YWHAZ: variants seen among roughly 807,000 people sequenced by gnomAD.
The protein encoded by YWHAZ is tyrosine 3-monooxygenase/tryptophan 5-monooxygenase activation protein zeta, also known as 14-3-3 protein zeta/delta.
For synonymous variants in YWHAZ, 87 were observed against 103.6 expected (o/e 0.84, Z 0.97); for missense variants, 79 against 284.8 (o/e 0.28, Z 5.20).
chr8:100,927,161 G>C (rs1469436678), intron 2 of YWHAZ, among the ~76,000 whole-genome samples: 1 of 152,206 alleles, frequency 6.6e-6, no homozygotes, highest in African/African-American at 2.4e-5. Context: ...GAAGCTGGAA[G>C]CACAATATTC....
chr8:100,941,884 T>C (rs1017938308), intron 2 of YWHAZ, among the ~76,000 whole-genome samples: 4 of 151,942 alleles, frequency 2.6e-5, no homozygotes, highest in Non-Finnish European at 4.4e-5. Context: ...CAACAAAAAT[T>C]GGGCAGTCCC....
At chr8:100,939,135 A>G (rs796533578) in intron 2 of YWHAZ, among the ~76,000 whole-genome samples, 13 of 152,336 alleles carry the variant, frequency 8.5e-5, no homozygotes, top group African/African-American at 2.9e-4. Flanking sequence ...ATTCCTGTTA[A>G]AAGAGTAGCT....
rs1009770598 is a variant in YWHAZ at position 100,934,725 on chromosome 8, A to G, written c.295-9686T>C. On this transcript the variant is annotated intron_variant, in intron 2 of 5. Transcript: ENST00000395958. ...AAGGAGGTACCTGTCAAAATGAAAC[A>G]TAAGATATACATCAAAGTGTGTAGT... 6.6e-5 allele frequency: 10 copies of G among 152,318 alleles called. 1 individual carries two copies. The highest frequency in any genetic ancestry group is 5.8e-4 in the East Asian group (3 of 5,178). 9.4% of individuals were successfully genotyped at this position (152,318 alleles called of 1,614,324 possible).
rs1554611373 is a variant in YWHAZ, at chr8:100,918,408, T to TTATTTATATATATA, written c.*2284_*2285insTATATATATAAATA. Reference sequence around the variant, plus strand: ...AGTCTAGCTATAAAATATAATTACTTTATATATATATATATATATATATAT... The same window carrying TTATTTATATATATA: ...AGTCTAGCTATAAAATATAATTACTTTATTTATATATATATATATATATATATATATATATATAT... On this transcript the variant is annotated 3_prime_UTR_variant, in exon 6 of 6. Transcript: ENST00000395958. 2.4e-5 allele frequency: 1 copy of TTATTTATATATATA among 41,882 alleles called. No homozygotes were observed. The highest frequency in any genetic ancestry group is 7.1e-5 in the African/African-American group (1 of 14,100). The allele number at this position is 41,882 out of a possible 1,614,324, so 2.6% of individuals were successfully genotyped here.
intron 1 of YWHAZ, chr8:100,951,429 G>T: frequency 1.0e-6 from 1 of 981,434 alleles, no homozygotes; most frequent in Non-Finnish European, 1.2e-6. Flanking sequence ...GGGGGCGGCC[G>T]AGGGAGAGGG....
intron 5 of YWHAZ, chr8:100,923,485 A>C (rs1165858945): frequency 6.5e-6 from 1 of 152,848 alleles, no homozygotes; most frequent in East Asian, 1.9e-4. Context: ...CTTTTTATAC[A>C]TCTGCAGTAT....
chr8:100,952,709 G>A (rs1193766491), upstream of YWHAZ: 3 of 850,262 alleles, frequency 3.5e-6, no homozygotes, highest in Non-Finnish European at 1.4e-6. Flanking sequence ...GCCCCGGGGC[G>A]GGGGCAGGGC....
intron 1 of YWHAZ, among the ~76,000 whole-genome samples, chr8:100,949,392 T>G (rs1318824936): frequency 6.6e-6 from 1 of 152,132 alleles, no homozygotes; most frequent in African/African-American, 2.4e-5. Context: ...CATAATACTC[T>G]TGTCAAGAGT....
chr8:100,938,188 C>T (rs948697070), intron 2 of YWHAZ, among the ~76,000 whole-genome samples: 20 of 152,232 alleles, frequency 1.3e-4, no homozygotes, highest in African/African-American at 4.8e-4. Flanking sequence ...TTTTGTTATT[C>T]TGACAACTCC....
chr8:100,934,474 G>A (rs1352370432), intron 2 of YWHAZ, among the ~76,000 whole-genome samples: 1 of 152,112 alleles, frequency 6.6e-6, no homozygotes, highest in Non-Finnish European at 1.5e-5. Context: ...GCCAAGGTGG[G>A]TGGATCACCT....
intron 2 of YWHAZ, among the ~76,000 whole-genome samples, chr8:100,937,017 T>C (rs772591967): frequency 1.3e-5 from 2 of 152,146 alleles, no homozygotes; most frequent in African/African-American, 2.4e-5. Flanking sequence ...AACAGGAAAT[T>C]ACAGTAAAAC....
chr8:100,937,766 G>A (rs1814261597), intron 2 of YWHAZ, among the ~76,000 whole-genome samples: 4 of 152,108 alleles, frequency 2.6e-5, no homozygotes, highest in Admixed American at 2.6e-4. Context: ...AAAGGTTGAG[G>A]TAGCAAGTAA....
chr8:100,942,942 C>A (rs1300093647), intron 2 of YWHAZ, among the ~76,000 whole-genome samples: 1 of 152,196 alleles, frequency 6.6e-6, no homozygotes, highest in Non-Finnish European at 1.5e-5. Flanking sequence ...TTTATCCATA[C>A]AGTATCATTT....
intron 2 of YWHAZ, among the ~76,000 whole-genome samples, chr8:100,944,294 G>T (rs1178624026): frequency 6.6e-6 from 1 of 152,142 alleles, no homozygotes; most frequent in Non-Finnish European, 1.5e-5. Flanking sequence ...ACCCAAAGCC[G>T]CTTGCTTTCT....
At position 100,924,765 on chromosome 8, in the gene YWHAZ, G is replaced by T; in HGVS notation, c.418+151C>A. On this transcript the variant is annotated intron_variant, in intron 3 of 5. Coordinates refer to ENST00000395958, the MANE Select transcript of YWHAZ (RefSeq NM_145690.3). The surrounding 1 kb of genome is among the most constrained non-coding windows in gnomAD (Gnocchi z 5.7). ...TATTTTAGAATAGCAGTATGAGGCA[G>T]TAGATGTGTATTCTCAGAACACAAA... The T allele has an allele frequency of 2.2e-6, 2 of 889,168 alleles. No individual in the cohort carries two copies. Among genetic ancestry groups the T allele is most frequent in the Non-Finnish European group, 3.4e-6 (2 of 592,514 alleles). The allele number at this position is 889,168 out of a possible 1,614,324, so 55.1% of individuals were successfully genotyped here. A position where few individuals can be genotyped will look rare whatever the true frequency, so the allele number is the denominator to read the frequency against.
intron 2 of YWHAZ, among the ~76,000 whole-genome samples, chr8:100,941,797 A>T (rs1487212138): frequency 2.6e-5 from 2 of 77,382 alleles, no homozygotes; most frequent in African/African-American, 1.2e-4. Flanking sequence ...GAAAAAAACA[A>T]AACAAAAAAC....
In YWHAZ at chr8:100,924,621, C is replaced by G. The variant is rs909809104; in HGVS notation, c.418+295G>C. Reference sequence around the variant, plus strand: ...AGCTGGGACCAAAGGCTTGCACCACCATGCCCAGCTAATTTTCAAAATATT... The same window carrying G: ...AGCTGGGACCAAAGGCTTGCACCACGATGCCCAGCTAATTTTCAAAATATT... On this transcript the variant is annotated intron_variant, in intron 3 of 5. Coordinates refer to ENST00000395958, the MANE Select transcript of YWHAZ (RefSeq NM_145690.3). This position sits in a 1 kb window ranked among gnomAD's most constrained non-coding sequence, Gnocchi z 5.7. Among the ~76,000 whole-genome samples, 1 of 152,196 alleles carries G rather than the reference C, an allele frequency of 6.6e-6. No individual in the cohort carries two copies. Among genetic ancestry groups the G allele is most frequent in the Non-Finnish European group, 1.5e-5 (1 of 68,032 alleles).
intron 2 of YWHAZ, among the ~76,000 whole-genome samples, chr8:100,934,421 G>A (rs930504296): frequency 6.6e-5 from 10 of 150,862 alleles, no homozygotes; most frequent in African/African-American, 2.2e-4. Context: ...GGAGGTACGG[G>A]CTGGTTGTGG....
At chr8:100,921,270 C>T (rs1183071886) in intron 5 of YWHAZ, among the ~76,000 whole-genome samples, 21 of 152,104 alleles carry the variant, frequency 1.4e-4, no homozygotes, top group Non-Finnish European at 3.1e-4. Context: ...ATCTCGTGAT[C>T]CACCCACCTC....
Sources: allele counts gnomAD v4.1 joint callset (sites outside exome capture counted in the v4.1 genomes callset), GRCh38; gene constraint gnomAD v4.1.1; non-coding constraint Gnocchi (gnomAD v3.1); transcripts MANE v1.5; gene names NCBI Gene and HGNC (gene_info 2026-07-23, HGNC 2026-07-21).